Variants in CENPI observed in about 807,000 individuals in gnomAD.
CENPI encodes FSH primary response 1.
Under a neutral mutation model 60.4 loss-of-function variants are expected in CENPI, and 4 were observed. The observed-to-expected ratio is 0.07, with a 90% CI of 0.03 to 0.15. CENPI has a LOEUF of 0.15. CENPI is among the 10% of genes least tolerant of loss of function. The pLI, the probability that CENPI is intolerant of heterozygous loss-of-function variation, is 1.00. For missense variants in CENPI, 444 were observed against 534.5 expected (o/e 0.83, Z 1.67); for synonymous variants, 157 against 189.4 (o/e 0.83, Z 1.40).
At chrX:101,129,120 G>T (rs750612409) in intron 12 of CENPI, among the ~76,000 whole-genome samples, 1 of 111,711 alleles carries the variant, frequency 9.0e-6, no homozygotes, top group East Asian at 2.8e-4. Flanking sequence ...GAAACTTGCT[G>T]TTAGGGCCCC....
intron 21 of CENPI, among the ~76,000 whole-genome samples, chrX:101,162,475 T>A (rs371707804): frequency 0.11 from 8,253 of 78,493 alleles, 484 homozygotes; most frequent in Middle Eastern, 0.14. Flanking sequence ...AAAAAAAAAA[T>A]ATATATATAT....
At chrX:101,110,946 T>TA in intron 6 of CENPI, among the ~76,000 whole-genome samples, 1 of 111,483 alleles carries the variant, frequency 9.0e-6, no homozygotes. Context: ...TGATACTTGA[T>TA]ATGATGGGAA....
chrX:101,120,339 T>C, intron 6 of CENPI, 63 bp from the exon 7 acceptor site: 2 of 526,466 alleles, frequency 3.8e-6, no homozygotes, highest in East Asian at 3.6e-5. Flanking sequence ...TTGAGGAAAA[T>C]GTGTTGCCCC....
At chrX:101,130,520 T>C (rs2089785481) in intron 13 of CENPI, among the ~76,000 whole-genome samples, 2 of 112,374 alleles carry the variant, frequency 1.8e-5, no homozygotes, top group Admixed American at 1.9e-4. Flanking sequence ...TCATTATAGA[T>C]AAAGCTGAGT....
chrX:101,172,830 GC>G, the CENPI span, among the ~76,000 whole-genome samples: 1 of 110,657 alleles, frequency 9.0e-6, no homozygotes, highest in African/African-American at 3.3e-5. Flanking sequence ...TAATCTTAAA[GC>G]TCTTATATTT....
chrX:101,122,833 G>A (rs1353640746), intron 8 of CENPI, among the ~76,000 whole-genome samples: 3 of 111,706 alleles, frequency 2.7e-5, no homozygotes, highest in Non-Finnish European at 5.6e-5. Flanking sequence ...CTGAGATCAC[G>A]CCAGCCTGGG....
intron 2 of CENPI, among the ~76,000 whole-genome samples, chrX:101,099,245 A>G (rs1335631284): frequency 9.1e-6 from 1 of 110,401 alleles, no homozygotes; most frequent in African/African-American, 3.3e-5. Flanking sequence ...CCTGGCTAAC[A>G]TGGTGAAACC....
At chrX:101,112,842 T>G (rs1032054854) in intron 6 of CENPI, among the ~76,000 whole-genome samples, 7 of 105,439 alleles carry the variant, frequency 6.6e-5, no homozygotes, top group Non-Finnish European at 9.8e-5. Flanking sequence ...TTTTTTTTTT[T>G]GGGACGGAGT....
chrX:101,156,551 C>A (rs2090053750), intron 20 of CENPI, among the ~76,000 whole-genome samples: 1 of 110,800 alleles, frequency 9.0e-6, no homozygotes, highest in Non-Finnish European at 1.9e-5. Flanking sequence ...TATTTGGTTA[C>A]ATGAGTAAGT....
intron 12 of CENPI, among the ~76,000 whole-genome samples, chrX:101,129,572 A>G (rs1057296369): frequency 2.7e-5 from 3 of 111,558 alleles, no homozygotes; most frequent in African/African-American, 9.8e-5. Flanking sequence ...ACAGAATATG[A>G]TATAGTTTAT....
chrX:101,152,763 CTTTA>C (rs1193414923), intron 20 of CENPI, among the ~76,000 whole-genome samples: 1 of 107,528 alleles, frequency 9.3e-6, no homozygotes, highest in Non-Finnish European at 1.9e-5. Flanking sequence ...TGTATCAGTA[CTTTA>C]TTTGTTTTTA....
At chrX:101,132,526 A>T (rs1782494614) in intron 15 of CENPI, 70 bp downstream of exon 15, 1 of 891,900 alleles carries the variant, frequency 1.1e-6, no homozygotes, top group African/African-American at 2.0e-5. Context: ...CACAATTCCA[A>T]ACTGATATTA....
chrX:101,163,269 G>A lies in CENPI; in HGVS notation c.*302G>A. 4.6e-6 allele frequency: 1 copy of A among 216,386 alleles called. No homozygotes were observed. 17.8% of individuals were successfully genotyped at this position (216,386 alleles called of 1,213,427 possible). On this transcript the variant is annotated 3_prime_UTR_variant, in exon 22 of 22. Coordinates refer to ENST00000682095, the MANE Select transcript of CENPI (RefSeq NM_001386188.2). ...TGGTAGGATTTTTTCACATTTTTGG[G>A]TACTATGAGCTGCATTGATGGAAGA... is the stretch of plus-strand genomic sequence containing the variant.
At position 101,140,680 on chromosome X, in the gene CENPI, G is replaced by A. The variant is rs143683105; in HGVS notation, c.1485G>A (p.Gln495=). Residue 495 remains glutamine (Q), a synonymous_variant, in exon 16 of 22, where the codon CAG becomes CAA. Coordinates refer to ENST00000682095, the MANE Select transcript of CENPI (RefSeq NM_001386188.2). The part of the protein sequence containing the change: ...STIYFKCSVL[Q]SLKELLQNWL... Reference sequence around the variant, plus strand: ...GTCCCCCTCAGTGTAGTGTGCTTCAGAGTCTGAAAGAGCTATTGCAGAATT... The same window carrying A: ...GTCCCCCTCAGTGTAGTGTGCTTCAAAGTCTGAAAGAGCTATTGCAGAATT... 1.7e-3 allele frequency: 2,073 copies of A among 1,194,689 alleles called. 6 individuals carry two copies. The highest frequency in any genetic ancestry group is 2.2e-3 in the Non-Finnish European group (1,950 of 881,454).
At chrX:101,145,294 G>A in intron 17 of CENPI, 95 bp downstream of exon 17, 1 of 692,933 alleles carries the variant, frequency 1.4e-6, no homozygotes, top group South Asian at 3.0e-5. Flanking sequence ...CATTAAGGTG[G>A]GCTATGATCT....
At chrX:101,132,159 T>C (rs1239997610) in intron 13 of CENPI, 31 bp from the exon 14 acceptor site, 1 of 989,878 alleles carries the variant, frequency 1.0e-6, no homozygotes. Flanking sequence ...AAGAGTTCCA[T>C]ATAAGGATTT....
At chrX:101,127,713 A>G (rs1483671217) in intron 11 of CENPI, 48 bp downstream of exon 11, 1 of 979,721 alleles carries the variant, frequency 1.0e-6, no homozygotes, top group Non-Finnish European at 1.4e-6. Context: ...TTTGAATTTC[A>G]TGGCCTTTGT....
At chrX:101,099,301 G>A (rs1035245605) in intron 2 of CENPI, among the ~76,000 whole-genome samples, 1 of 109,720 alleles carries the variant, frequency 9.1e-6, no homozygotes, top group South Asian at 3.9e-4. Context: ...GGTGGTGTGC[G>A]CCTGTAATTC....
chrX:101,109,930 A>C lies in CENPI; in HGVS notation c.523A>C (p.Ile175Leu), dbSNP rs746034721. 7.0e-5 allele frequency: 85 copies of C among 1,206,492 alleles called. No homozygotes were observed. Among genetic ancestry groups the C allele is most frequent in the Admixed American group, 8.8e-5 (4 of 45,589 alleles). ...TTGGCTGGTTGCAATGTTTGACTTC[A>C]TTGATCGTAAGGAGCAAATTAACTT... ...YRWLVAMFDF[I>L]DRKEQINLLY... The change falls in exon 6 of 22, where the codon ATT becomes CTT. Residue 175 changes from isoleucine to leucine, a missense_variant. Physicochemically the swap from Ile to Leu is conservative, Grantham distance 5. Coordinates refer to ENST00000682095, the MANE Select transcript of CENPI (RefSeq NM_001386188.2).
Sources: gnomAD v4.1 joint callset for allele counts (sites outside exome capture counted in the v4.1 genomes callset) on GRCh38, gnomAD v4.1.1 for gene constraint, MANE v1.5 for transcripts, NCBI Gene and HGNC (gene_info 2026-07-23, HGNC 2026-07-21) for gene names.